SPATA13: variants seen among roughly 807,000 people sequenced by gnomAD.
SPATA13 encodes the protein spermatogenesis associated 13.
In SPATA13, 50 loss-of-function variants were observed where a neutral mutation model predicts 104.0. That is an observed-to-expected ratio of 0.48 (90% CI 0.38 to 0.61). The LOEUF (loss-of-function observed/expected upper bound fraction) is 0.61. SPATA13 is among the 20% of genes least tolerant of loss of function. The pLI, the probability that SPATA13 is intolerant of heterozygous loss-of-function variation, is 0.00. For missense variants in SPATA13, 1,524 were observed against 1,690.6 expected, an observed-to-expected ratio of 0.90 and a Z score of 1.73; for synonymous variants, 606 against 667.5, an observed-to-expected ratio of 0.91 and a Z score of 1.42.
intron 1 of SPATA13, among the ~76,000 whole-genome samples, chr13:24,189,135 T>C (rs1177452196): frequency 1.3e-5 from 2 of 152,174 alleles, no homozygotes; most frequent in African/African-American, 2.4e-5. Context: ...TTGCAGCCCA[T>C]GGATCAAGGA....
intron 4 of SPATA13, among the ~76,000 whole-genome samples, chr13:24,259,607 T>C (rs1259433400): frequency 6.6e-6 from 1 of 152,238 alleles, no homozygotes; most frequent in Non-Finnish European, 1.5e-5. Flanking sequence ...TACTTATTTA[T>C]GTATTTATTT....
At chr13:24,036,013 C>CAAAAAAAAAAAAAAAAAAAAA (rs56837096) in intron 3 of SPATA13, among the ~76,000 whole-genome samples, 1 of 112,510 alleles carries the variant, frequency 8.9e-6, no homozygotes. Context: ...GACCCTGTCT[C>CAAAAAAAAAAAAAAAAAAAAA]AAAAAAAAAA....
intron 4 of SPATA13, among the ~76,000 whole-genome samples, chr13:24,270,484 A>G (rs1483467567): frequency 1.3e-5 from 2 of 152,194 alleles, no homozygotes; most frequent in African/African-American, 4.8e-5. Flanking sequence ...AGTTTAACTC[A>G]GGTTTTGGTT....
chr13:24,091,942 G>A (rs1047899429), intron 3 of SPATA13, among the ~76,000 whole-genome samples: 3 of 152,162 alleles, frequency 2.0e-5, no homozygotes, highest in East Asian at 1.9e-4. Flanking sequence ...ACAGGTCTAA[G>A]GCTACCATGG....
At chr13:23,986,294 T>A (rs1421210312) in intron 2 of SPATA13, among the ~76,000 whole-genome samples, 2 of 152,118 alleles carry the variant, frequency 1.3e-5, no homozygotes, top group East Asian at 1.9e-4. Flanking sequence ...AATTGGGGCA[T>A]CTAAGAATTT....
At chr13:24,022,803 G>C (rs1877044354) in intron 3 of SPATA13, among the ~76,000 whole-genome samples, 1 of 151,962 alleles carries the variant, frequency 6.6e-6, no homozygotes, top group Non-Finnish European at 1.5e-5. Flanking sequence ...AGTTTTCCTG[G>C]AATTAGACTC....
chr13:24,153,564 A>G (rs996168969), intron 3 of SPATA13, among the ~76,000 whole-genome samples: 2 of 152,240 alleles, frequency 1.3e-5, no homozygotes, highest in African/African-American at 4.8e-5. Flanking sequence ...CACTTTCAAC[A>G]GAGGACACGT....
intron 3 of SPATA13, among the ~76,000 whole-genome samples, chr13:24,096,060 G>A (rs796503946): frequency 7.2e-5 from 11 of 152,270 alleles, no homozygotes; most frequent in African/African-American, 2.6e-4. Context: ...ATCTCCCAGA[G>A]CCCTCACTAT....
At chr13:24,247,040 C>T (rs890185057) in intron 2 of SPATA13, among the ~76,000 whole-genome samples, 4 of 152,158 alleles carry the variant, frequency 2.6e-5, no homozygotes, top group African/African-American at 9.7e-5. Flanking sequence ...CCCTCTTTAC[C>T]CTGGTAGCAG....
chr13:24,116,154 C>T (rs1296013534), intron 3 of SPATA13, among the ~76,000 whole-genome samples: 1 of 152,220 alleles, frequency 6.6e-6, no homozygotes, highest in Non-Finnish European at 1.5e-5. Flanking sequence ...AAATTTCCCA[C>T]AGTTCTGTAG....
intron 3 of SPATA13, among the ~76,000 whole-genome samples, chr13:24,139,147 G>C (rs920802604): frequency 3.7e-4 from 56 of 151,962 alleles, no homozygotes; most frequent in African/African-American, 1.3e-3. Flanking sequence ...GCTGTTCCTG[G>C]GTCTACACAC....
At chr13:24,075,687 G>A (rs1045157884) in intron 3 of SPATA13, among the ~76,000 whole-genome samples, 1 of 152,176 alleles carries the variant, frequency 6.6e-6, no homozygotes. Flanking sequence ...CATGACTGTT[G>A]TCTGTAATTT....
At position 24,249,574 on chromosome 13, in the gene SPATA13, G is replaced by A. The variant is rs755019310; in HGVS notation, c.1751G>A (p.Arg584Gln). ...TPKRRWGSGR[R>Q]PRPRPFSDYG... ...AAGAGGAGATGGGGCTCTGGGAGAC[G>A]GCCAAGGCCTCGGCCATTCTCTGAC... The change falls in exon 3 of 13, where the codon CGG (arginine) becomes CAG (glutamine). Residue 584 changes from arginine (R) to glutamine (Q), a missense_variant. Arg to Gln is a conservative substitution (Grantham distance 43). Around this residue, in one of 2 missense-constraint regions of SPATA13, gnomAD observed 1,089 missense variants for 1,135.9 expected, o/e 0.96. Coordinates refer to ENST00000382108, the MANE Select transcript of SPATA13 (RefSeq NM_001166271.3). The A allele has an allele frequency of 2.9e-5, 47 of 1,613,962 alleles. No homozygotes were observed. Among genetic ancestry groups the A allele is most frequent in the Non-Finnish European group, 3.5e-5 (41 of 1,179,842 alleles).
At chr13:24,127,936 T>C (rs1001321377) in intron 3 of SPATA13, among the ~76,000 whole-genome samples, 4 of 152,246 alleles carry the variant, frequency 2.6e-5, no homozygotes, top group Non-Finnish European at 4.4e-5. Flanking sequence ...GGCAGAATGA[T>C]GATGTAATGA....
rs1459959394 is a variant in SPATA13, at chr13:24,151,604, G to GT, written c.-111-71207dup. Among the ~76,000 whole-genome samples, 14 of 152,078 alleles carry GT rather than the reference G, an allele frequency of 9.2e-5. No individual in the cohort carries two copies. The East Asian group carries it at 1.4e-3, about 15-fold the overall frequency. ...TTATGAATAGATGTCCATTACTGGA[G>GT]TTTTTTTTCCTTTTTTTTAAGAGTG... On this transcript the variant is annotated intron_variant, in intron 3 of 14. Transcript: ENST00000424834.
intron 1 of SPATA13, among the ~76,000 whole-genome samples, chr13:24,200,928 G>A (rs1206435835): frequency 6.6e-6 from 1 of 152,020 alleles, no homozygotes; most frequent in Admixed American, 6.6e-5. Flanking sequence ...TTGACAGAAT[G>A]TGTCTGATTA....
At chr13:24,226,701 C>A (rs887850230) in intron 2 of SPATA13, among the ~76,000 whole-genome samples, 1 of 152,176 alleles carries the variant, frequency 6.6e-6, no homozygotes, top group African/African-American at 2.4e-5. Flanking sequence ...CTGGGGAGGA[C>A]CTCAGTTTTG....
At chr13:24,074,957 G>A (rs942119531) in intron 3 of SPATA13, among the ~76,000 whole-genome samples, 7 of 151,038 alleles carry the variant, frequency 4.6e-5, no homozygotes, top group African/African-American at 1.5e-4. Flanking sequence ...TGTGATTGGC[G>A]AAACTCTGTG....
intron 3 of SPATA13, among the ~76,000 whole-genome samples, chr13:24,075,626 A>G (rs1342425784): frequency 6.6e-6 from 1 of 152,242 alleles, no homozygotes; most frequent in Non-Finnish European, 1.5e-5. Context: ...AAAAGTTATG[A>G]CAACGTTGCT....
Sources: allele counts gnomAD v4.1 joint callset (sites outside exome capture counted in the v4.1 genomes callset), GRCh38; gene constraint gnomAD v4.1.1; regional missense constraint gnomAD v4.1.1; transcripts MANE v1.5; gene names NCBI Gene and HGNC (gene_info 2026-07-23, HGNC 2026-07-21).